Variants in CHST11 observed in about 807,000 individuals in gnomAD.
CHST11 encodes the protein C4S-1.
A neutral mutation model predicts 30.4 loss-of-function variants in CHST11; 9 were observed. That is an observed-to-expected ratio of 0.30 (90% CI 0.18 to 0.52). The LOEUF (loss-of-function observed/expected upper bound fraction) is 0.52, where lower values mean the gene tolerates loss of function less well. Among genes scored for constraint, CHST11 ranks in the 20% least tolerant of loss-of-function variants. The probability of loss-of-function intolerance (pLI) is 0.97; values close to 1 mark genes in which losing one functional copy is unlikely to be tolerated. For synonymous variants in CHST11, 152 were observed against 187.8 expected (o/e 0.81, Z 1.56); for missense variants, 348 against 460.6 (o/e 0.76, Z 2.24).
rs143692026 is a variant in CHST11, at chr12:104,480,150, A to G, written c.118+22621A>G. On this transcript the variant is annotated intron_variant, in intron 1 of 2. Transcript: ENST00000303694. ...CTGAGCCCCTGTTGAATTCAGGCCT[A>G]TCTTTCATAAACATCTGCTTAGTCA... Among the ~76,000 whole-genome samples, 689 of 152,234 alleles carry G rather than the reference A, an allele frequency of 4.5e-3. 1 individual carries two copies. The highest frequency in any genetic ancestry group is 7.6e-3 in the Non-Finnish European group (520 of 68,016).
intron 1 of CHST11, among the ~76,000 whole-genome samples, chr12:104,497,203 C>T (rs2037807321): frequency 6.6e-6 from 1 of 152,206 alleles, no homozygotes; most frequent in South Asian, 2.1e-4. Flanking sequence ...AATGTCACTA[C>T]ATGTGGATAT....
At chr12:104,604,017 C>A (rs17035952) in intron 2 of CHST11, among the ~76,000 whole-genome samples, 2,894 of 152,154 alleles carry the variant, frequency 0.019, 100 homozygotes, top group African/African-American at 0.065. Context: ...TAGCACTAGG[C>A]GCTGGGCACA....
intron 2 of CHST11, among the ~76,000 whole-genome samples, chr12:104,632,874 T>C (rs1175312601): frequency 6.6e-6 from 1 of 152,206 alleles, no homozygotes; most frequent in African/African-American, 2.4e-5. Context: ...TTAAGGAGCC[T>C]CTTCTAAGCT....
At chr12:104,526,890 C>T (rs2038131948) in intron 1 of CHST11, among the ~76,000 whole-genome samples, 3 of 152,160 alleles carry the variant, frequency 2.0e-5, no homozygotes, top group Non-Finnish European at 4.4e-5. Flanking sequence ...GCAAGATGGC[C>T]CATACCTTGT....
intron 2 of CHST11, among the ~76,000 whole-genome samples, chr12:104,645,213 C>G (rs1383611482): frequency 1.3e-5 from 2 of 152,220 alleles, no homozygotes; most frequent in African/African-American, 4.8e-5. Context: ...TCCCAAAGTG[C>G]TGGGATTACA....
At chr12:104,479,173 C>T (rs1179384762) in intron 1 of CHST11, among the ~76,000 whole-genome samples, 3 of 150,982 alleles carry the variant, frequency 2.0e-5, no homozygotes, top group East Asian at 1.9e-4. Flanking sequence ...AAAAAAGGGC[C>T]CCCCCTTTTT....
chr12:104,536,454 G>T (rs891515898), intron 1 of CHST11, among the ~76,000 whole-genome samples: 2 of 152,188 alleles, frequency 1.3e-5, no homozygotes, highest in African/African-American at 4.8e-5. Context: ...CAGAATCTCA[G>T]GCCTCACTTG....
intron 1 of CHST11, among the ~76,000 whole-genome samples, chr12:104,577,577 G>A (rs1010077343): frequency 7.4e-6 from 1 of 135,964 alleles, no homozygotes; most frequent in Non-Finnish European, 1.6e-5. Context: ...ACACTAGTGA[G>A]CTACGTTTAA....
chr12:104,588,880 A>G (rs2038830829), intron 1 of CHST11: 1 of 152,200 alleles, frequency 6.6e-6, no homozygotes. Flanking sequence ...TCATAGCAGC[A>G]TGAGTCACGG....
chr12:104,578,951 G>A (rs2038711590), intron 1 of CHST11, among the ~76,000 whole-genome samples: 1 of 152,208 alleles, frequency 6.6e-6, no homozygotes, highest in African/African-American at 2.4e-5. Context: ...AATGCAAAAT[G>A]TTTGTTGAGG....
Position 104,507,016 on chromosome 12 carries a change from G to A in CHST11, c.118+49487G>A, listed in dbSNP as rs2037913665. Among the ~76,000 whole-genome samples the A allele has an allele frequency of 3.3e-5, 5 of 152,190 alleles. No individual in the cohort carries two copies. The South Asian group carries it at 1.0e-3, about 32-fold the overall frequency. The stretch of plus-strand genomic sequence containing the variant: ...TTCCTGGAAGGGGTTGCCAAGCCGG[G>A]AAGATTCAGAGGGGAAGAGCACAGC... On this transcript the variant is annotated intron_variant, in intron 1 of 2. Coordinates refer to ENST00000303694, the MANE Select transcript of CHST11 (RefSeq NM_018413.6).
At chr12:104,611,579 T>C (rs1053066253) in intron 2 of CHST11, among the ~76,000 whole-genome samples, 6 of 152,214 alleles carry the variant, frequency 3.9e-5, no homozygotes, top group Admixed American at 3.9e-4. Context: ...GGGCAGTGAA[T>C]GAAGCCATTT....
At chr12:104,692,279 C>A (rs1255263355) in intron 2 of CHST11, among the ~76,000 whole-genome samples, 1 of 152,216 alleles carries the variant, frequency 6.6e-6, no homozygotes, top group East Asian at 1.9e-4. Context: ...AGCTCATCCT[C>A]ACTCTGAAGT....
intron 1 of CHST11, among the ~76,000 whole-genome samples, chr12:104,590,694 G>A (rs1182210266): frequency 6.6e-6 from 1 of 151,840 alleles, no homozygotes; most frequent in Admixed American, 6.6e-5. Context: ...GACTGAGGCG[G>A]GCAGATCACT....
chr12:104,464,443 C>T (rs2037439157), intron 1 of CHST11, among the ~76,000 whole-genome samples: 1 of 152,074 alleles, frequency 6.6e-6, no homozygotes, highest in Admixed American at 6.5e-5. Context: ...GTCCCATCTC[C>T]CCTCTACCAC....
At chr12:104,751,187 G>C (rs2040428869) in intron 2 of CHST11, among the ~76,000 whole-genome samples, 1 of 152,182 alleles carries the variant, frequency 6.6e-6, no homozygotes, top group East Asian at 1.9e-4. Flanking sequence ...AGTATTAACT[G>C]GCATGCTACC....
At chr12:104,718,955 G>A (rs925087444) in intron 2 of CHST11, among the ~76,000 whole-genome samples, 26 of 152,282 alleles carry the variant, frequency 1.7e-4, no homozygotes, top group Admixed American at 2.6e-4. Flanking sequence ...AGCTTCTGTC[G>A]GGGAAGGTTC....
chr12:104,708,484 T>A (rs4964829), intron 2 of CHST11, among the ~76,000 whole-genome samples: 85,481 of 151,898 alleles, frequency 0.56, 25,639 homozygotes, highest in African/African-American at 0.78. Context: ...GGATCTCCTA[T>A]CTCTGGCAGG....
rs112376751 is a variant in CHST11 at position 104,644,659 on chromosome 12, T to TCCTGGC, written c.204+42681_204+42686dup. ...GTCAGGTTTGGAGTCTCTGGCTGAGTCCTGGCCCTGGCCCTGGCAGGCAGA... is the reference window on the plus strand; with the variant it reads ...GTCAGGTTTGGAGTCTCTGGCTGAGTCCTGGCCCTGGCCCTGGCCCTGGCAGGCAGA... On this transcript the variant is annotated intron_variant, in intron 2 of 2. Transcript: ENST00000303694. Among the ~76,000 whole-genome samples, 1,428 of 152,334 alleles carry TCCTGGC rather than the reference T, an allele frequency of 9.4e-3. 20 individuals are homozygous for TCCTGGC. Among genetic ancestry groups the TCCTGGC allele is most frequent in the African/African-American group, 0.032 (1,346 of 41,574 alleles).
Sources: allele counts gnomAD v4.1 joint callset (sites outside exome capture counted in the v4.1 genomes callset), GRCh38; gene constraint gnomAD v4.1.1; transcripts MANE v1.5; gene names NCBI Gene and HGNC (gene_info 2026-07-23, HGNC 2026-07-21).